Variants in ZNF385C observed in about 807,000 individuals in gnomAD.
ZNF385C encodes the protein zinc finger protein 385C.
Under a neutral mutation model 35.4 loss-of-function variants are expected in ZNF385C, and 28 were observed. The ratio of observed to expected loss-of-function variants is 0.79; its 90% CI spans 0.59 to 1.08. The LOEUF is 1.08. Among genes scored for constraint, ZNF385C ranks in the 50% least tolerant of loss-of-function variants. ZNF385C has a pLI of 0.00. For missense variants in ZNF385C, 605 were observed against 595.6 expected (o/e 1.02, Z -0.16); for synonymous variants, 248 against 248.2 (o/e 1.00, Z 0.01).
chr17:42,065,711 T>C (rs369532625), intron 1 of ZNF385C, among the ~76,000 whole-genome samples: 17 of 152,282 alleles, frequency 1.1e-4, no homozygotes, highest in African/African-American at 2.9e-4. Flanking sequence ...AAAATTTCAA[T>C]AGAGACAGGG....
At chr17:42,044,918 CTT>C (rs71157603) in intron 2 of ZNF385C, among the ~76,000 whole-genome samples, 4 of 132,596 alleles carry the variant, frequency 3.0e-5, no homozygotes, top group Admixed American at 7.9e-5. Context: ...CCAACTCTAC[CTT>C]TTTTTTTTTT....
At chr17:42,042,978 A>G in intron 2 of ZNF385C, 3 of 1,232,424 alleles carry the variant, frequency 2.4e-6, no homozygotes, top group Non-Finnish European at 3.0e-6. Flanking sequence ...AGTACACAGT[A>G]GTCAGCACAG....
chr17:42,063,548 A>AAAAAAC (rs1194126412), intron 1 of ZNF385C, among the ~76,000 whole-genome samples: 8 of 152,114 alleles, frequency 5.3e-5, no homozygotes, highest in Non-Finnish European at 1.2e-4. Flanking sequence ...AAAAACAAAC[A>AAAAAAC]AAAAACAAAA....
In ZNF385C at chr17:42,028,846, G is replaced by A; in HGVS notation, c.904C>T (p.Leu302Phe). The A allele has an allele frequency of 6.4e-7, 1 of 1,550,616 alleles. No homozygotes were observed. Among genetic ancestry groups the A allele is most frequent in the Non-Finnish European group, 8.7e-7 (1 of 1,146,994 alleles). Residue 302 changes from leucine (L) to phenylalanine (F), a missense_variant, in exon 6 of 9, where the codon CTC becomes TTC. Leu to Phe is a conservative substitution (Grantham distance 22). Coordinates refer to ENST00000692273, the MANE Select transcript of ZNF385C (RefSeq NM_001392013.1). ...GTCACCTTACACGTGGGGCAGTAGA[G>A]GTGCCCCTTCTCACTCCTGCCTTCC... The part of the protein sequence containing the change: ...SGEGRSEKGH[L>F]YCPTCKVTVN...
rs1299200488 is a variant in ZNF385C, at chr17:42,039,984, C to A, written c.251-2099G>T. The A allele has an allele frequency of 3.2e-6, 4 of 1,230,936 alleles. No homozygotes were observed. In the African/African-American group the frequency reaches 6.2e-5, roughly 19 times the overall value. 76.3% of individuals were successfully genotyped at this position (1,230,936 alleles called of 1,614,324 possible). A position where few individuals can be genotyped will look rare whatever the true frequency, so the allele number is the denominator to read the frequency against. On this transcript the variant is annotated intron_variant, in intron 2 of 8. Coordinates refer to ENST00000692273, the MANE Select transcript of ZNF385C (RefSeq NM_001392013.1). ...CGTGCAGCTCCGAGTGCGCGCACGCCAGCTGGGTGCACAGGGCCCGCGGGC... is the reference window on the plus strand; with the variant it reads ...CGTGCAGCTCCGAGTGCGCGCACGCAAGCTGGGTGCACAGGGCCCGCGGGC...
At chr17:42,084,229 C>T (rs887461314) in intron 1 of ZNF385C, among the ~76,000 whole-genome samples, 3 of 151,008 alleles carry the variant, frequency 2.0e-5, no homozygotes, top group Non-Finnish European at 4.4e-5. Flanking sequence ...TGTAGTCCAA[C>T]CTATGAGGGC....
rs2052620886 is a variant in ZNF385C, at chr17:42,027,641, C to G, written c.1252G>C (p.Ala418Pro). ...SQHSKLQKHAALAVSILKSKL... is the reference protein window; with the variant it reads ...SQHSKLQKHAPLAVSILKSKL... Reference sequence around the variant, plus strand: ...ACCTTGAGGATACTCACAGCCAGCGCTGCGTGCTTCTGCAGCTTGCTGTGC... The same window carrying G: ...ACCTTGAGGATACTCACAGCCAGCGGTGCGTGCTTCTGCAGCTTGCTGTGC... Residue 418 changes from alanine (A) to proline (P), a missense_variant, in exon 8 of 9, where the codon GCG (alanine) becomes CCG (proline). Physicochemically the swap from Ala to Pro is conservative, Grantham distance 27 (BLOSUM62 -1). Transcript: ENST00000692273. The G allele has an allele frequency of 4.4e-6, 7 of 1,604,566 alleles. No individual in the cohort carries two copies. Among genetic ancestry groups the G allele is most frequent in the African/African-American group, 1.3e-5 (1 of 74,152 alleles).
At chr17:42,079,629 G>A (rs1188817706) in intron 1 of ZNF385C, among the ~76,000 whole-genome samples, 4 of 151,946 alleles carry the variant, frequency 2.6e-5, no homozygotes, top group African/African-American at 9.7e-5. Context: ...TTGTGATACT[G>A]CACTCCAGCC....
rs1555654724 is a variant in ZNF385C at position 42,029,079 on chromosome 17, G to A, written c.677-6C>T. ...AAGAGGAGGGGCTGCAGGAACTGCT[G>A]CAGAGATGGAAGAGTGTGAGACCCA... On this transcript the variant is annotated splice_polypyrimidine_tract_variant and splice_region_variant and intron_variant, in intron 5 of 8. Coordinates refer to ENST00000692273, the MANE Select transcript of ZNF385C (RefSeq NM_001392013.1). The A allele has an allele frequency of 6.5e-7, 1 of 1,547,742 alleles. No individual in the cohort carries two copies. Among genetic ancestry groups the A allele is most frequent in the African/African-American group, 1.4e-5 (1 of 73,132 alleles).
At chr17:42,037,238 G>T (rs901538753) in intron 3 of ZNF385C, among the ~76,000 whole-genome samples, 1 of 152,134 alleles carries the variant, frequency 6.6e-6, no homozygotes, top group Non-Finnish European at 1.5e-5. Flanking sequence ...CCCTCAGATT[G>T]TGCAGGCACA....
intron 1 of ZNF385C, 119 bp from the exon 2 acceptor site, chr17:42,063,177 G>A (rs1295170068): frequency 2.7e-5 from 13 of 480,048 alleles, no homozygotes; most frequent in Non-Finnish European, 4.1e-5. Flanking sequence ...CCTCTGAAAT[G>A]CCCCAGCCCG....
Position 42,041,146 on chromosome 17 carries a change from A to G in ZNF385C, c.251-3261T>C, listed in dbSNP as rs986920062. 4 of 1,232,322 alleles carry G rather than the reference A, an allele frequency of 3.2e-6. No individual in the cohort carries two copies. In the African/African-American group the frequency reaches 6.2e-5, roughly 19 times the overall value. The allele number at this position is 1,232,322 out of a possible 1,614,324, so 76.3% of individuals were successfully genotyped here. ...CAGCCCCACATATGGGGATGCCTTC[A>G]GGCGCTGGCAGGCCTCTGTGTGCAA... On this transcript the variant is annotated intron_variant, in intron 2 of 8. Coordinates refer to ENST00000692273, the MANE Select transcript of ZNF385C (RefSeq NM_001392013.1).
At chr17:42,034,552 G>A (rs192810434) in intron 3 of ZNF385C, among the ~76,000 whole-genome samples, 2 of 152,114 alleles carry the variant, frequency 1.3e-5, no homozygotes, top group African/African-American at 4.8e-5. Context: ...GGCCGAGGCA[G>A]GCAGATCACC....
At chr17:42,067,080 A>AC (rs578076041) in intron 1 of ZNF385C, among the ~76,000 whole-genome samples, 1 of 150,296 alleles carries the variant, frequency 6.7e-6, no homozygotes, top group East Asian at 1.9e-4. Context: ...GAAAAAAAAA[A>AC]AAGAGAGAGA....
At chr17:42,046,956 G>A (rs1555656671) in intron 2 of ZNF385C, among the ~76,000 whole-genome samples, 3 of 151,138 alleles carry the variant, frequency 2.0e-5, no homozygotes, top group South Asian at 2.1e-4. Flanking sequence ...TCCACCTCCC[G>A]GATTCAAGCG....
At chr17:42,076,245 C>A (rs1462101280) in intron 1 of ZNF385C, among the ~76,000 whole-genome samples, 2 of 152,186 alleles carry the variant, frequency 1.3e-5, no homozygotes. Context: ...TGTGCCAGAT[C>A]CTTCCCATGC....
At position 42,036,058 on chromosome 17, in the gene ZNF385C, G is replaced by A. The variant is rs139587053; in HGVS notation, c.399+1679C>T. ...GTCGCCCAGGCTGGAGTGCAATGGCGGAGCCAAAATCTTGCAACCTCCGCT... is the reference window on the plus strand; with the variant it reads ...GTCGCCCAGGCTGGAGTGCAATGGCAGAGCCAAAATCTTGCAACCTCCGCT... On this transcript the variant is annotated intron_variant, in intron 3 of 8. Transcript: ENST00000692273. Among the ~76,000 whole-genome samples the A allele has an allele frequency of 7.0e-3, 1,064 of 152,082 alleles. 3 individuals are homozygous for A. Among genetic ancestry groups the A allele is most frequent in the Middle Eastern group, 0.014 (4 of 294 alleles).
chr17:42,036,571 C>A (rs1395414093), intron 3 of ZNF385C, among the ~76,000 whole-genome samples: 2 of 152,116 alleles, frequency 1.3e-5, no homozygotes, highest in Non-Finnish European at 2.9e-5. Flanking sequence ...ACTTTCCAAA[C>A]CTTCCCAAGA....
chr17:42,035,945 C>T (rs1555655402), intron 3 of ZNF385C, among the ~76,000 whole-genome samples: 1 of 151,960 alleles, frequency 6.6e-6, no homozygotes, highest in Non-Finnish European at 1.5e-5. Flanking sequence ...GCCTAAGGTT[C>T]CCCAAGGAGT....
Sources: allele counts gnomAD v4.1 joint callset (sites outside exome capture counted in the v4.1 genomes callset), GRCh38; gene constraint gnomAD v4.1.1; transcripts MANE v1.5; gene names NCBI Gene and HGNC (gene_info 2026-07-23, HGNC 2026-07-21).